The following KCNG3 variants were observed in gnomAD, a reference collection of about 807,000 sequenced individuals.
The protein encoded by KCNG3 is voltage-gated potassium channel regulatory subunit KCNG3.
In KCNG3, 15 loss-of-function variants were observed where a neutral mutation model predicts 29.0. That is an observed-to-expected ratio of 0.52 (90% CI 0.35 to 0.80). The LOEUF is 0.80. KCNG3 is among the 30% of genes least tolerant of loss of function. The pLI is 0.01. For missense variants in KCNG3, 512 were observed against 605.7 expected (o/e 0.85, Z 1.62); for synonymous variants, 322 against 248.9 (o/e 1.29, Z -2.76).
chr2:42,428,927 T>A, the KCNG3 span, among the ~76,000 whole-genome samples: 2 of 152,104 alleles, frequency 1.3e-5, no homozygotes, highest in Non-Finnish European at 2.9e-5. Context: ...GAGACCAGCC[T>A]GGTCAACATG....
At chr2:42,477,530 C>A (rs1189563864) in intron 1 of KCNG3, among the ~76,000 whole-genome samples, 3 of 149,768 alleles carry the variant, frequency 2.0e-5, no homozygotes, top group Non-Finnish European at 4.4e-5. Flanking sequence ...CGGGTTCACG[C>A]CGTTCTCCTG....
intron 1 of KCNG3, among the ~76,000 whole-genome samples, chr2:42,488,037 T>C (rs1024222814): frequency 6.6e-6 from 1 of 152,214 alleles, no homozygotes; most frequent in Non-Finnish European, 1.5e-5. Flanking sequence ...CTTACAAATA[T>C]ATAAAATGTC....
chr2:42,405,651 A>G, the KCNG3 span, among the ~76,000 whole-genome samples: 1 of 151,828 alleles, frequency 6.6e-6, no homozygotes, highest in East Asian at 1.9e-4. Flanking sequence ...TCTGTCGCCC[A>G]GGCTGGAGTG....
chr2:42,483,979 C>T (rs13021212), intron 1 of KCNG3, among the ~76,000 whole-genome samples: 40,855 of 151,916 alleles, frequency 0.27, 5,534 homozygotes, highest in Middle Eastern at 0.36. Context: ...GACGGGATTT[C>T]GCCATGTTGC....
the KCNG3 span, among the ~76,000 whole-genome samples, chr2:42,393,236 A>C: frequency 6.6e-6 from 1 of 151,802 alleles, no homozygotes; most frequent in Non-Finnish European, 1.5e-5. Context: ...ACAAAAAAAA[A>C]CAAAGAATTT....
chr2:42,419,219 C>CTTTTTGTTTTTTTTT, the KCNG3 span, among the ~76,000 whole-genome samples: 1 of 27,712 alleles, frequency 3.6e-5, no homozygotes, highest in African/African-American at 1.2e-4. Flanking sequence ...GATGGTATCT[C>CTTTTTGTTTTTTTTT]TTTTTTTTTT....
At chr2:42,484,433 G>A (rs1673670017) in intron 1 of KCNG3, among the ~76,000 whole-genome samples, 1 of 152,196 alleles carries the variant, frequency 6.6e-6, no homozygotes, top group South Asian at 2.1e-4. Flanking sequence ...CTGCACTCCA[G>A]CCTGGCAACA....
At chr2:42,428,517 C>T in the KCNG3 span, among the ~76,000 whole-genome samples, 1 of 150,678 alleles carries the variant, frequency 6.6e-6, no homozygotes, top group South Asian at 2.1e-4. Context: ...CTCATTTCCT[C>T]TACCAAACTC....
intron 1 of KCNG3, among the ~76,000 whole-genome samples, chr2:42,453,093 T>C (rs1008029622): frequency 3.9e-5 from 6 of 152,212 alleles, no homozygotes; most frequent in Admixed American, 2.0e-4. Context: ...CATTCATTTG[T>C]TGATGACACT....
At chr2:42,474,232 A>G (rs1673365574) in intron 1 of KCNG3, among the ~76,000 whole-genome samples, 1 of 151,944 alleles carries the variant, frequency 6.6e-6, no homozygotes, top group African/African-American at 2.4e-5. Flanking sequence ...CGGAGAGAAA[A>G]AAAAACACTG....
the KCNG3 span, among the ~76,000 whole-genome samples, chr2:42,391,949 G>T: frequency 5.3e-5 from 8 of 152,130 alleles, no homozygotes; most frequent in African/African-American, 1.9e-4. Flanking sequence ...CAATAAAGAT[G>T]TTTTTACGGT....
chr2:42,436,066 GTACTGA>G, the KCNG3 span, among the ~76,000 whole-genome samples: 4 of 152,234 alleles, frequency 2.6e-5, no homozygotes, highest in Non-Finnish European at 5.9e-5. Context: ...AAGGAATGAT[GTACTGA>G]TACATGCTAC....
At chr2:42,402,025 G>T in the KCNG3 span, among the ~76,000 whole-genome samples, 2 of 152,214 alleles carry the variant, frequency 1.3e-5, no homozygotes, top group Admixed American at 6.5e-5. Context: ...TTATGGGGGT[G>T]TTTATGGAGG....
At chr2:42,483,603 AG>A (rs548578592) in intron 1 of KCNG3, among the ~76,000 whole-genome samples, 224 of 152,316 alleles carry the variant, frequency 1.5e-3, no homozygotes, top group African/African-American at 5.1e-3. Context: ...ACTACTTCAT[AG>A]GACTGTAATG....
At chr2:42,445,287 G>A (rs938251109) in intron 1 of KCNG3, among the ~76,000 whole-genome samples, 2 of 152,046 alleles carry the variant, frequency 1.3e-5, no homozygotes, top group Admixed American at 6.6e-5. Flanking sequence ...GTTCTGAGGT[G>A]GATTGGAAGG....
chr2:42,447,435 T>A (rs1672628322), intron 1 of KCNG3, among the ~76,000 whole-genome samples: 1 of 152,076 alleles, frequency 6.6e-6, no homozygotes, highest in South Asian at 2.1e-4. Context: ...TTCTTAAACA[T>A]GGTGACACAG....
chr2:42,396,628 C>A, the KCNG3 span, among the ~76,000 whole-genome samples: 3 of 152,122 alleles, frequency 2.0e-5, no homozygotes, highest in African/African-American at 7.2e-5. Context: ...CAGTTCAAGA[C>A]CCCTGGGAAA....
intron 1 of KCNG3, among the ~76,000 whole-genome samples, chr2:42,478,187 C>T (rs1229754556): frequency 3.3e-5 from 5 of 152,036 alleles, no homozygotes; most frequent in African/African-American, 1.2e-4. Context: ...TCTAAAGGAG[C>T]TTTTGTTTTA....
chr2:42,422,755 A>G, the KCNG3 span, among the ~76,000 whole-genome samples: 1 of 152,176 alleles, frequency 6.6e-6, no homozygotes, highest in Non-Finnish European at 1.5e-5. Flanking sequence ...CATAGTTATG[A>G]AGAAGCCTGT....
Sources: gnomAD v4.1 joint callset for allele counts (sites outside exome capture counted in the v4.1 genomes callset) on GRCh38, gnomAD v4.1.1 for gene constraint, MANE v1.5 for transcripts, NCBI Gene and HGNC (gene_info 2026-07-23, HGNC 2026-07-21) for gene names.